Variants in TUSC3 observed in about 807,000 individuals in gnomAD.
TUSC3 encodes dolichyl-diphosphooligosaccharide--protein glycosyltransferase subunit TUSC3.
A neutral mutation model predicts 44.8 loss-of-function variants in TUSC3; 45 were observed. That is an observed-to-expected ratio of 1.00 (90% CI 0.79 to 1.29). TUSC3 has a LOEUF of 1.29. Among genes scored for constraint, TUSC3 ranks in the 50% most tolerant of loss-of-function variants. TUSC3 has a pLI of 0.00. For synonymous variants in TUSC3, 212 were observed against 152.9 expected, an observed-to-expected ratio of 1.39 and a Z score of -2.85; for missense variants, 519 against 437.9, an observed-to-expected ratio of 1.19 and a Z score of -1.65.
intron 2 of TUSC3, among the ~76,000 whole-genome samples, chr8:15,506,576 T>A (rs993601122): frequency 2.0e-5 from 3 of 152,134 alleles, no homozygotes; most frequent in Non-Finnish European, 4.4e-5. Flanking sequence ...CTCACAATCA[T>A]GGCAGGAGGC....
the TUSC3 span, among the ~76,000 whole-genome samples, chr8:15,785,546 C>A: frequency 1.3e-5 from 2 of 151,464 alleles, no homozygotes; most frequent in East Asian, 3.9e-4. Flanking sequence ...ACTCTCAGGA[C>A]AGGGGGGAGT....
chr8:15,428,083 A>G, intron 1 of TUSC3, among the ~76,000 whole-genome samples: 1 of 150,324 alleles, frequency 6.7e-6, no homozygotes, highest in Middle Eastern at 3.2e-3. Flanking sequence ...CTCGTCATTT[A>G]GCATTAGGTA....
At chr8:15,558,870 T>C (rs1802359195) in intron 1 of TUSC3, among the ~76,000 whole-genome samples, 1 of 151,204 alleles carries the variant, frequency 6.6e-6, no homozygotes. Context: ...TATCATTTTT[T>C]ATTGCGTCTG....
chr8:15,428,516 C>T (rs996590507), intron 1 of TUSC3, among the ~76,000 whole-genome samples: 2 of 152,092 alleles, frequency 1.3e-5, no homozygotes, highest in African/African-American at 4.8e-5. Flanking sequence ...AATGGTATTT[C>T]TAGTTCTAGA....
At chr8:15,709,103 C>T (rs1809731544) in intron 6 of TUSC3, among the ~76,000 whole-genome samples, 3 of 151,752 alleles carry the variant, frequency 2.0e-5, no homozygotes, top group African/African-American at 7.3e-5. Context: ...GAAAGATAGC[C>T]TGACTAGAAG....
At chr8:15,727,842 C>A (rs965270954) in intron 6 of TUSC3, among the ~76,000 whole-genome samples, 1 of 152,138 alleles carries the variant, frequency 6.6e-6, no homozygotes, top group Admixed American at 6.5e-5. Context: ...ATCATACTAT[C>A]TTACTTGATT....
intron 2 of TUSC3, among the ~76,000 whole-genome samples, chr8:15,528,145 G>A (rs1394688297): frequency 1.3e-5 from 2 of 152,014 alleles, no homozygotes; most frequent in African/African-American, 4.8e-5. Flanking sequence ...TTTCAATTAA[G>A]CACAATTTTG....
the TUSC3 span, among the ~76,000 whole-genome samples, chr8:15,793,361 T>G: frequency 6.6e-6 from 1 of 152,074 alleles, no homozygotes; most frequent in Non-Finnish European, 1.5e-5. Context: ...TCTCCACTCC[T>G]TTTCCCCTGT....
chr8:15,511,502 CTTAAATT>C (rs1390962947), intron 2 of TUSC3, among the ~76,000 whole-genome samples: 2 of 151,968 alleles, frequency 1.3e-5, no homozygotes, highest in Non-Finnish European at 2.9e-5. Flanking sequence ...CAGTCAGAAC[CTTAAATT>C]TTAAACACAA....
At chr8:15,823,275 TG>T in the TUSC3 span, among the ~76,000 whole-genome samples, 1 of 152,162 alleles carries the variant, frequency 6.6e-6, no homozygotes, top group African/African-American at 2.4e-5. Context: ...ACTTTTCTGG[TG>T]AAGTCCAAAT....
At chr8:15,450,192 A>G (rs927623272) in intron 1 of TUSC3, among the ~76,000 whole-genome samples, 6 of 152,194 alleles carry the variant, frequency 3.9e-5, no homozygotes, top group Non-Finnish European at 7.3e-5. Flanking sequence ...TACATTTTAA[A>G]GTATATGTGT....
At chr8:15,645,783 T>C (rs1806598587) in intron 2 of TUSC3, among the ~76,000 whole-genome samples, 2 of 152,070 alleles carry the variant, frequency 1.3e-5, no homozygotes, top group South Asian at 4.1e-4. Flanking sequence ...TTTGTGATAG[T>C]ACACAGATGT....
intron 1 of TUSC3, among the ~76,000 whole-genome samples, chr8:15,571,730 T>C (rs1027256743): frequency 2.0e-5 from 3 of 152,160 alleles, no homozygotes; most frequent in Non-Finnish European, 4.4e-5. Context: ...TAGTCTGACT[T>C]TTTGCAAAAT....
chr8:15,478,127 T>C (rs1200645112), intron 1 of TUSC3, among the ~76,000 whole-genome samples: 1 of 152,028 alleles, frequency 6.6e-6, no homozygotes, highest in African/African-American at 2.4e-5. Flanking sequence ...CAGCTAACTT[T>C]TGTATTTTTA....
At chr8:15,575,809 A>G (rs530825767) in intron 1 of TUSC3, among the ~76,000 whole-genome samples, 2 of 152,220 alleles carry the variant, frequency 1.3e-5, no homozygotes, top group East Asian at 3.9e-4. Context: ...TTTTGCAAAT[A>G]TTATACATAG....
the TUSC3 span, among the ~76,000 whole-genome samples, chr8:15,804,128 A>G: frequency 1.3e-5 from 2 of 152,156 alleles, no homozygotes; most frequent in African/African-American, 2.4e-5. Flanking sequence ...TCACCAGACT[A>G]TCTTCCACAA....
chr8:15,527,917 T>G (rs1202886731), intron 2 of TUSC3, among the ~76,000 whole-genome samples: 1 of 152,232 alleles, frequency 6.6e-6, no homozygotes, highest in Non-Finnish European at 1.5e-5. Context: ...CAATTTTCTT[T>G]TAGTAATAAA....
Position 15,639,893 on chromosome 8 carries a change from A to T in TUSC3, c.309-10804A>T, listed in dbSNP as rs149614999. On this transcript the variant is annotated intron_variant, in intron 2 of 10. Coordinates refer to ENST00000503731, the MANE Select transcript of TUSC3 (RefSeq NM_006765.4). Reference sequence around the variant, plus strand: ...GATAGGTTGTTGTCTTTGTCACCATAATACAGTGAACAAAATAATATTCTT... The same window carrying T: ...GATAGGTTGTTGTCTTTGTCACCATTATACAGTGAACAAAATAATATTCTT... Among the ~76,000 whole-genome samples the T allele has an allele frequency of 5.0e-3, 754 of 151,868 alleles. 5 individuals carry two copies. The highest frequency in any genetic ancestry group is 0.01 in the Middle Eastern group (3 of 294).
chr8:15,496,229 A>T (rs962927045), intron 2 of TUSC3, among the ~76,000 whole-genome samples: 1 of 152,204 alleles, frequency 6.6e-6, no homozygotes, highest in African/African-American at 2.4e-5. Context: ...TTCACACAGC[A>T]TATCCATTCC....
Sources: allele counts gnomAD v4.1 joint callset (sites outside exome capture counted in the v4.1 genomes callset), GRCh38; gene constraint gnomAD v4.1.1; transcripts MANE v1.5; gene names NCBI Gene and HGNC (gene_info 2026-07-23, HGNC 2026-07-21).